Variants in CACNA2D4 observed in about 807,000 individuals in gnomAD.
CACNA2D4 encodes voltage-dependent calcium channel subunit alpha-2/delta-4.
In CACNA2D4, 157 loss-of-function variants were observed where a neutral mutation model predicts 163.8. The ratio of observed to expected loss-of-function variants is 0.96; its 90% CI spans 0.84 to 1.09. The LOEUF is 1.09. CACNA2D4 is among the 50% of genes least tolerant of loss of function. The probability of loss-of-function intolerance (pLI) is 0.00; values close to 1 mark genes in which losing one functional copy is unlikely to be tolerated. For missense variants in CACNA2D4, 1,410 were observed against 1,479.9 expected (o/e 0.95, Z 0.78); for synonymous variants, 598 against 586.9 (o/e 1.02, Z -0.27).
intron 6 of CACNA2D4, among the ~76,000 whole-genome samples, chr12:1,898,797 A>C (rs1372027301): frequency 6.6e-6 from 1 of 152,112 alleles, no homozygotes; most frequent in Admixed American, 6.5e-5. Context: ...ATGGACCTTA[A>C]GGGCATTATG....
intron 26 of CACNA2D4, among the ~76,000 whole-genome samples, chr12:1,837,815 C>T (rs760583687): frequency 9.2e-5 from 14 of 152,212 alleles, no homozygotes; most frequent in African/African-American, 2.7e-4. Flanking sequence ...GAAGCAAGAA[C>T]GGGGCCCCTC....
At chr12:1,873,070 A>C (rs548540697) in intron 18 of CACNA2D4, among the ~76,000 whole-genome samples, 1 of 152,276 alleles carries the variant, frequency 6.6e-6, no homozygotes, top group South Asian at 2.1e-4. Context: ...CTCATCTGTC[A>C]AATGGGGATA....
chr12:1,868,519 A>T (rs1865702560), intron 18 of CACNA2D4, among the ~76,000 whole-genome samples: 1 of 151,612 alleles, frequency 6.6e-6, no homozygotes, highest in Admixed American at 6.6e-5. Flanking sequence ...GTGATTATCT[A>T]GGATGACTAA....
intron 5 of CACNA2D4, 38 bp from the exon 6 acceptor site, chr12:1,907,609 T>C (rs1866690081): frequency 1.3e-6 from 2 of 1,592,502 alleles, no homozygotes; most frequent in Non-Finnish European, 1.7e-6. Context: ...CCTGTAGAAC[T>C]TCTCAGGAAA....
chr12:1,823,474 C>T (rs982795795), intron 26 of CACNA2D4, among the ~76,000 whole-genome samples: 5 of 152,114 alleles, frequency 3.3e-5, no homozygotes, highest in Non-Finnish European at 5.9e-5. Flanking sequence ...AGGCAGCTCC[C>T]ACTCCCAGTC....
chr12:1,800,803 AG>A lies in CACNA2D4; in HGVS notation c.2868+239del, dbSNP rs1323905746. On this transcript the variant is annotated intron_variant, in intron 31 of 37. Coordinates refer to ENST00000382722, the MANE Select transcript of CACNA2D4 (RefSeq NM_172364.5). The stretch of plus-strand genomic sequence containing the variant: ...AGGCTGCTCTCTCTGTCTCCGCCAG[AG>A]GCACTGTTGTGTCACAACTACCAGA... The A allele has an allele frequency of 3.2e-5, 19 of 596,272 alleles. No homozygotes were observed. In the African/African-American group the frequency reaches 3.3e-4, roughly 10 times the overall value. 36.9% of individuals were successfully genotyped at this position (596,272 alleles called of 1,614,324 possible).
At position 1,795,012 on chromosome 12, in the gene CACNA2D4, G is replaced by A. The variant is rs570703786; in HGVS notation, c.3309+287C>T. On this transcript the variant is annotated intron_variant, in intron 37 of 37. Coordinates refer to ENST00000382722, the MANE Select transcript of CACNA2D4 (RefSeq NM_172364.5). ...CTTAGAGGCACCTGTGAAGGAACCA[G>A]GGACTAAGACCAAACACTATAACAA... 4.6e-4 allele frequency: 256 copies of A among 553,974 alleles called. 2 individuals are homozygous for A. In the East Asian group the frequency reaches 7.1e-3, roughly 15 times the overall value. 34.3% of individuals were successfully genotyped at this position (553,974 alleles called of 1,614,324 possible).
intron 2 of CACNA2D4, among the ~76,000 whole-genome samples, 192 bp downstream of exon 2, chr12:1,914,661 GC>G (rs948119779): frequency 2.0e-5 from 3 of 152,040 alleles, no homozygotes; most frequent in Non-Finnish European, 2.9e-5. Flanking sequence ...TCTTGACCAC[GC>G]CCCCGAACCA....
At position 1,829,369 on chromosome 12, in the gene CACNA2D4, T is replaced by G. The variant is rs1345151027; in HGVS notation, c.2551+11370A>C. Among the ~76,000 whole-genome samples the G allele has an allele frequency of 6.6e-6, 1 of 152,064 alleles. No homozygotes were observed. The highest frequency in any genetic ancestry group is 2.4e-5 in the African/African-American group (1 of 41,396). ...GGGGTGGTGGTATGGGGCTGGCTGATCTGGTAGCAGACGGGCTCAGAGGGG... is the reference window on the plus strand; with the variant it reads ...GGGGTGGTGGTATGGGGCTGGCTGAGCTGGTAGCAGACGGGCTCAGAGGGG... On this transcript the variant is annotated intron_variant, in intron 26 of 37. Transcript: ENST00000382722. This position sits in a 1 kb window ranked among gnomAD's most constrained non-coding sequence, Gnocchi z 4.2.
At chr12:1,794,318 G>A (rs1336440973) in intron 37 of CACNA2D4, among the ~76,000 whole-genome samples, 1 of 152,144 alleles carries the variant, frequency 6.6e-6, no homozygotes, top group Non-Finnish European at 1.5e-5. Flanking sequence ...ATGACACAGG[G>A]GCTCTGCTGT....
In CACNA2D4 at chr12:1,896,606, A is replaced by AACACACAC. The variant is rs61535168; in HGVS notation, c.782-9545_782-9538dup. Among the ~76,000 whole-genome samples the AACACACAC allele has an allele frequency of 1.6e-3, 210 of 130,710 alleles. 3 individuals are homozygous for AACACACAC. The highest frequency in any genetic ancestry group is 7.5e-3 in the Middle Eastern group (2 of 266). 85.8% of individuals were successfully genotyped at this position (130,710 alleles called of 152,430 possible). A position where few individuals can be genotyped will look rare whatever the true frequency, so the allele number is the denominator to read the frequency against. On this transcript the variant is annotated intron_variant, in intron 6 of 37. Coordinates refer to ENST00000382722, the MANE Select transcript of CACNA2D4 (RefSeq NM_172364.5). ...ATCCCAGTTAGAATAGCTATTAATAAACACACACACACACACACACACACA... is the reference window on the plus strand; with the variant it reads ...ATCCCAGTTAGAATAGCTATTAATAAACACACACACACACACACACACACACACACACA...
At chr12:1,886,977 G>A (rs371702571) in intron 7 of CACNA2D4, 32 bp downstream of exon 7, 24 of 1,524,802 alleles carry the variant, frequency 1.6e-5, no homozygotes, top group African/African-American at 1.4e-4. Flanking sequence ...ATAAATACCC[G>A]GGCCGCAAAC....
chr12:1,881,749 T>C (rs1364270695), intron 13 of CACNA2D4, among the ~76,000 whole-genome samples: 1 of 152,238 alleles, frequency 6.6e-6, no homozygotes, highest in Admixed American at 6.5e-5. Context: ...TCGTCTCTTC[T>C]CAGCAGCAGT....
intron 18 of CACNA2D4, among the ~76,000 whole-genome samples, chr12:1,865,732 T>TGTGGGGAGCCGGG (rs1865637691): frequency 6.6e-6 from 1 of 152,180 alleles, no homozygotes; most frequent in African/African-American, 2.4e-5. Context: ...GGGGAGCCGG[T>TGTGGGGAGCCGGG]GTGTGGGGAA....
Position 1,890,018 on chromosome 12 carries a change from C to T in CACNA2D4, c.782-2949G>A, listed in dbSNP as rs1866239690. On this transcript the variant is annotated intron_variant, in intron 6 of 37. Transcript: ENST00000382722. ...CAAGGAAGGAGACGGAAGCAAGTCA[C>T]CCTGCTTGGCCAGGATTGGCTGGGA... Among the ~76,000 whole-genome samples the T allele has an allele frequency of 2.6e-5, 4 of 152,174 alleles. No individual in the cohort carries two copies. In the South Asian group the frequency reaches 8.3e-4, roughly 31 times the overall value.
At chr12:1,838,791 C>G (rs1374089731) in intron 26 of CACNA2D4, among the ~76,000 whole-genome samples, 1 of 152,206 alleles carries the variant, frequency 6.6e-6, no homozygotes, top group East Asian at 1.9e-4. Context: ...GAGAAGGCCC[C>G]CATCACGTGG....
intron 26 of CACNA2D4, among the ~76,000 whole-genome samples, chr12:1,824,559 G>A (rs1864240122): frequency 6.6e-6 from 1 of 152,238 alleles, no homozygotes; most frequent in Non-Finnish European, 1.5e-5. Context: ...GTTAGGAGCA[G>A]GCCCAGCATC....
At chr12:1,915,843 A>G (rs983158599) in intron 1 of CACNA2D4, among the ~76,000 whole-genome samples, 1 of 152,226 alleles carries the variant, frequency 6.6e-6, no homozygotes, top group Non-Finnish European at 1.5e-5. Context: ...TCCTTTCAAG[A>G]TCAGCAGTCA....
chr12:1,827,995 A>G (rs1272923282), intron 26 of CACNA2D4: 6 of 530,234 alleles, frequency 1.1e-5, no homozygotes, highest in African/African-American at 7.9e-5. Flanking sequence ...GTGTAAAGAG[A>G]CACCCGGGCC....
Sources: gnomAD v4.1 joint callset for allele counts (sites outside exome capture counted in the v4.1 genomes callset) on GRCh38, gnomAD v4.1.1 for gene constraint, Gnocchi (gnomAD v3.1) non-coding constraint, MANE v1.5 for transcripts, NCBI Gene and HGNC (gene_info 2026-07-23, HGNC 2026-07-21) for gene names.